SNTG1: variants seen among roughly 807,000 people sequenced by gnomAD.
SNTG1 encodes the protein syntrophin gamma 1.
Under a neutral mutation model 74.7 loss-of-function variants are expected in SNTG1, and 39 were observed. That is an observed-to-expected ratio of 0.52 (90% CI 0.40 to 0.68). The LOEUF (loss-of-function observed/expected upper bound fraction) is 0.68, where lower values mean the gene tolerates loss of function less well. Among genes scored for constraint, SNTG1 ranks in the 30% least tolerant of loss-of-function variants. SNTG1 has a pLI of 0.00. For missense variants in SNTG1, 685 were observed against 609.5 expected, an observed-to-expected ratio of 1.12 and a Z score of -1.30; for synonymous variants, 254 against 217.1, an observed-to-expected ratio of 1.17 and a Z score of -1.49.
intron 3 of SNTG1, among the ~76,000 whole-genome samples, chr8:50,401,481 A>T (rs980969713): frequency 1.3e-5 from 2 of 152,222 alleles, no homozygotes; most frequent in African/African-American, 4.8e-5. Context: ...ACATTGGATT[A>T]GGCATCAAAA....
At chr8:50,698,850 T>A (rs770677060) in intron 15 of SNTG1, among the ~76,000 whole-genome samples, 19 of 152,026 alleles carry the variant, frequency 1.2e-4, no homozygotes, top group Non-Finnish European at 1.9e-4. Flanking sequence ...GATTCTATAG[T>A]GGGAAATTGG....
intron 1 of SNTG1, among the ~76,000 whole-genome samples, chr8:49,913,330 A>G (rs1805738691): frequency 6.6e-6 from 1 of 152,212 alleles, no homozygotes; most frequent in Non-Finnish European, 1.5e-5. Context: ...TTTACTTTTA[A>G]TTTCACTGGT....
In SNTG1 at chr8:50,304,135, G is replaced by A. The variant is rs375605741; in HGVS notation, c.-27-90077G>A. ...CCCTGAGGGTTGTGCCCTCATGAAT[G>A]GATTGATGTCATTATCATGGGAGTG... On this transcript the variant is annotated intron_variant, in intron 2 of 18. Coordinates refer to ENST00000642720, the MANE Select transcript of SNTG1 (RefSeq NM_018967.5). 5.9e-5 allele frequency among the ~76,000 whole-genome samples: 9 copies of A among 152,256 alleles called. No individual in the cohort carries two copies. In the South Asian group the frequency reaches 1.5e-3, roughly 25 times the overall value.
intron 2 of SNTG1, among the ~76,000 whole-genome samples, chr8:50,277,920 TC>T (rs1389729163): frequency 1.3e-5 from 2 of 152,202 alleles, no homozygotes; most frequent in African/African-American, 4.8e-5. Context: ...ACACCTGTAA[TC>T]CCAGCACTTT....
chr8:50,569,398 T>TG (rs2094534081), intron 12 of SNTG1, among the ~76,000 whole-genome samples: 1 of 147,772 alleles, frequency 6.8e-6, no homozygotes. Context: ...CGTGCAGAAG[T>TG]GAAAAAAAAA....
intron 13 of SNTG1, among the ~76,000 whole-genome samples, chr8:50,638,588 CT>C (rs1461856674): frequency 1.3e-5 from 2 of 152,100 alleles, no homozygotes; most frequent in East Asian, 3.9e-4. Context: ...CAGAAAATAC[CT>C]TACAAAATAG....
chr8:50,312,814 T>G (rs2090167150), intron 2 of SNTG1, among the ~76,000 whole-genome samples: 1 of 150,132 alleles, frequency 6.7e-6, no homozygotes, highest in Non-Finnish European at 1.5e-5. Context: ...GTATGTTAAC[T>G]ATGAGGGCTT....
intron 9 of SNTG1, among the ~76,000 whole-genome samples, chr8:50,510,895 T>G (rs998305223): frequency 2.6e-5 from 4 of 152,166 alleles, no homozygotes; most frequent in East Asian, 1.9e-4. Flanking sequence ...TTTTGAACAG[T>G]TTTTTGTGTC....
chr8:50,106,693 T>C (rs2080385819), intron 1 of SNTG1, among the ~76,000 whole-genome samples: 1 of 152,158 alleles, frequency 6.6e-6, no homozygotes, highest in Non-Finnish European at 1.5e-5. Context: ...TAGTTTTCTT[T>C]ATGTGATATG....
At chr8:50,177,372 T>C (rs1487885555) in intron 2 of SNTG1, among the ~76,000 whole-genome samples, 1 of 152,162 alleles carries the variant, frequency 6.6e-6, no homozygotes. Flanking sequence ...TGGCTCTCAC[T>C]ACCCCATGGT....
intron 6 of SNTG1, 123 bp from the exon 7 acceptor site, chr8:50,450,433 T>C (rs1332940550): frequency 1.0e-6 from 1 of 983,578 alleles, no homozygotes; most frequent in Non-Finnish European, 1.5e-6. Context: ...TCTTTTAAGA[T>C]GCTAACCATA....
intron 11 of SNTG1, among the ~76,000 whole-genome samples, chr8:50,539,685 A>C (rs959871729): frequency 6.6e-6 from 1 of 152,070 alleles, no homozygotes; most frequent in Non-Finnish European, 1.5e-5. Context: ...GTGAGTATGA[A>C]GGTTCAGCTG....
chr8:50,414,129 T>C (rs1401935938), intron 4 of SNTG1, among the ~76,000 whole-genome samples: 2 of 152,198 alleles, frequency 1.3e-5, no homozygotes, highest in Non-Finnish European at 1.5e-5. Flanking sequence ...TTTCTCACTG[T>C]GGGCTCATGG....
chr8:50,126,007 G>GTGAACTTTTCCTGCCATGCTT (rs1443653301), intron 1 of SNTG1, among the ~76,000 whole-genome samples: 1 of 152,098 alleles, frequency 6.6e-6, no homozygotes, highest in Non-Finnish European at 1.5e-5. Flanking sequence ...GGTTGTGTAG[G>GTGAACTTTTCCTGCCATGCTT]TGAACTTTTC....
At chr8:50,446,234 A>C (rs1429374477) in intron 5 of SNTG1, among the ~76,000 whole-genome samples, 1 of 152,224 alleles carries the variant, frequency 6.6e-6, no homozygotes, top group Non-Finnish European at 1.5e-5. Context: ...TGAGCTGCTC[A>C]CATTTTCTCC....
Position 50,231,714 on chromosome 8 carries a change from G to C in SNTG1, c.-28+59079G>C, listed in dbSNP as rs567887053. 3.3e-5 allele frequency among the ~76,000 whole-genome samples: 5 copies of C among 151,356 alleles called. No homozygotes were observed. The South Asian group carries it at 1.0e-3, about 31-fold the overall frequency. ...TAGAAAGGTGGTTACAAAGGCTGGG[G>C]ACTGGGGAGAATGGGAAGATGATAA... On this transcript the variant is annotated intron_variant, in intron 2 of 18. Transcript: ENST00000642720.
chr8:50,377,439 G>A (rs972174925), intron 2 of SNTG1, among the ~76,000 whole-genome samples: 17 of 151,912 alleles, frequency 1.1e-4, no homozygotes, highest in East Asian at 9.7e-4. Flanking sequence ...TTTGGAAAAC[G>A]TTTTATGTTT....
chr8:50,739,426 A>T (rs569485527), intron 17 of SNTG1, among the ~76,000 whole-genome samples: 3 of 152,146 alleles, frequency 2.0e-5, no homozygotes, highest in Admixed American at 6.6e-5. Context: ...GATGCTGAAG[A>T]GGATGTGGAG....
At chr8:49,955,390 G>A (rs1003609475) in intron 1 of SNTG1, among the ~76,000 whole-genome samples, 5 of 152,158 alleles carry the variant, frequency 3.3e-5, no homozygotes, top group African/African-American at 1.2e-4. Flanking sequence ...AGCTCAGCAC[G>A]CACATTGCCC....
Sources: gnomAD v4.1 joint callset for allele counts (sites outside exome capture counted in the v4.1 genomes callset) on GRCh38, gnomAD v4.1.1 for gene constraint, MANE v1.5 for transcripts, NCBI Gene and HGNC (gene_info 2026-07-23, HGNC 2026-07-21) for gene names.